The following ANKRD13C variants were observed in gnomAD, a reference collection of about 807,000 sequenced individuals.
ANKRD13C encodes the protein ankyrin repeat domain-containing protein 13C.
ANKRD13C carries 16 observed loss-of-function variants against 65.5 expected under a neutral mutation model. The ratio of observed to expected loss-of-function variants is 0.24; its 90% confidence interval spans 0.17 to 0.37. The LOEUF (loss-of-function observed/expected upper bound fraction) is 0.37. Ranked by LOEUF, ANKRD13C falls within the 10% of genes least tolerant of loss-of-function variation. The probability of loss-of-function intolerance (pLI) is 1.00; values close to 1 mark genes in which losing one functional copy is unlikely to be tolerated. For synonymous variants in ANKRD13C, 235 were observed against 238.7 expected (o/e 0.98, Z 0.14); for missense variants, 503 against 655.9 (o/e 0.77, Z 2.55).
intron 12 of ANKRD13C, among the ~76,000 whole-genome samples, chr1:70,265,735 G>A (rs1403212469): frequency 1.3e-5 from 2 of 149,218 alleles, no homozygotes; most frequent in Non-Finnish European, 1.5e-5. Flanking sequence ...TGAGGTGGAA[G>A]GATGGCTTGA....
At chr1:70,307,945 T>C (rs1017841111) in intron 5 of ANKRD13C, among the ~76,000 whole-genome samples, 2 of 151,818 alleles carry the variant, frequency 1.3e-5, no homozygotes, top group African/African-American at 4.8e-5. Context: ...CAAAACCCTA[T>C]CTCTTTGAAA....
intron 1 of ANKRD13C, among the ~76,000 whole-genome samples, chr1:70,339,458 A>G (rs999381263): frequency 6.6e-6 from 1 of 151,244 alleles, no homozygotes; most frequent in Non-Finnish European, 1.5e-5. Flanking sequence ...AGCTGGGATT[A>G]CAGGTGCCCA....
chr1:70,285,228 T>C (rs534374911), intron 9 of ANKRD13C, among the ~76,000 whole-genome samples: 105 of 146,318 alleles, frequency 7.2e-4, no homozygotes, highest in African/African-American at 2.6e-3. Context: ...AGTCTCACTC[T>C]GTTGCCCAGG....
intron 12 of ANKRD13C, among the ~76,000 whole-genome samples, chr1:70,266,639 C>G (rs1678641299): frequency 6.6e-6 from 1 of 152,178 alleles, no homozygotes; most frequent in Non-Finnish European, 1.5e-5. Context: ...GTTGCAATTT[C>G]ATTTTCATTC....
intron 11 of ANKRD13C, among the ~76,000 whole-genome samples, chr1:70,273,593 C>A (rs1678990614): frequency 3.9e-5 from 6 of 151,912 alleles, no homozygotes; most frequent in African/African-American, 1.4e-4. Flanking sequence ...AGTATATCAA[C>A]ACTACAAAAT....
chr1:70,354,021 A>ATCTC lies in ANKRD13C; in HGVS notation c.387_388insGAGA (p.Ser130GlufsTer14). The ATCTC allele has an allele frequency of 6.4e-7, 1 of 1,559,756 alleles. No individual in the cohort carries two copies. The highest frequency in any genetic ancestry group is 8.7e-7 in the Non-Finnish European group (1 of 1,152,574). On this transcript the variant is annotated frameshift_variant, in exon 1 of 13. Transcript: ENST00000370944. LOFTEE classifies it high-confidence loss of function. The stretch of plus-strand genomic sequence containing the variant: ...CCGATATTGTGCGTGCGGATGAGAG[A>ATCTC]GGAGAGTCTCCTCACATCCCCCTTG...
In ANKRD13C at chr1:70,312,368, GT is replaced by G. The variant is rs372273835; in HGVS notation, c.709+1376del. ...CTAAAACTGTGAAATTTCTATTACT[GT>G]TTTTTTTTTTTTTTGAGACAGAGCC... On this transcript the variant is annotated intron_variant, in intron 5 of 12. Coordinates refer to ENST00000370944, the MANE Select transcript of ANKRD13C (RefSeq NM_030816.5). 7.1e-3 allele frequency among the ~76,000 whole-genome samples: 978 copies of G among 137,182 alleles called. 9 individuals carry two copies. The highest frequency in any genetic ancestry group is 0.02 in the African/African-American group (774 of 37,846). 90.0% of individuals were successfully genotyped at this position (137,182 alleles called of 152,430 possible).
chr1:70,289,439 C>A (rs1332304139), intron 9 of ANKRD13C, among the ~76,000 whole-genome samples: 1 of 151,842 alleles, frequency 6.6e-6, no homozygotes, highest in African/African-American at 2.4e-5. Context: ...TTTCCATATA[C>A]TTATCCCAAA....
At chr1:70,285,475 G>C (rs1051025488) in intron 9 of ANKRD13C, among the ~76,000 whole-genome samples, 1 of 151,820 alleles carries the variant, frequency 6.6e-6, no homozygotes, top group Admixed American at 6.6e-5. Flanking sequence ...GATTACAGGC[G>C]TAAGCCACTG....
intron 6 of ANKRD13C, among the ~76,000 whole-genome samples, chr1:70,301,813 C>T (rs528126430): frequency 2.0e-5 from 3 of 152,316 alleles, no homozygotes; most frequent in East Asian, 1.9e-4. Context: ...AATACACTGA[C>T]GTGCTTCAGT....
At chr1:70,269,735 A>C (rs1678794538) in intron 12 of ANKRD13C, among the ~76,000 whole-genome samples, 3 of 152,200 alleles carry the variant, frequency 2.0e-5, no homozygotes, top group Admixed American at 2.0e-4. Context: ...TTTTCAAAAA[A>C]AAAAAAAAAA....
At chr1:70,293,288 A>G (rs1411278907) in intron 8 of ANKRD13C, among the ~76,000 whole-genome samples, 1 of 152,168 alleles carries the variant, frequency 6.6e-6, no homozygotes, top group Non-Finnish European at 1.5e-5. Context: ...TTACTTAAAA[A>G]AAAAACAAAA....
At chr1:70,264,654 A>G (rs1678532465) in intron 12 of ANKRD13C, among the ~76,000 whole-genome samples, 1 of 152,152 alleles carries the variant, frequency 6.6e-6, no homozygotes, top group Non-Finnish European at 1.5e-5. Flanking sequence ...GATATTTATT[A>G]TCTTTCAGAC....
intron 11 of ANKRD13C, among the ~76,000 whole-genome samples, chr1:70,274,417 T>C (rs551302487): frequency 6.1e-4 from 81 of 133,542 alleles, no homozygotes; most frequent in Middle Eastern, 4.5e-3. Context: ...GAGGTTGTGG[T>C]GAGCCAAGAT....
In ANKRD13C at chr1:70,274,721, A is replaced by G; in HGVS notation, c.1393T>C (p.Leu465=). 4 of 1,606,256 alleles carry G rather than the reference A, an allele frequency of 2.5e-6. No individual in the cohort carries two copies. Among genetic ancestry groups the G allele is most frequent in the Non-Finnish European group, 3.4e-6 (4 of 1,173,188 alleles). ...MSQEFPLGIE[L]LLNVLEVVAP... is the part of the protein sequence containing the mutation. ...ATTTGTAGTTAGTAACAAACTTACAACTCTATCCCTAAGGGAAATTCCTGG... is the reference window on the plus strand; with the variant it reads ...ATTTGTAGTTAGTAACAAACTTACAGCTCTATCCCTAAGGGAAATTCCTGG... The change falls in exon 11 of 13, where the codon TTA becomes CTA. Residue 465 remains leucine (L), a splice_region_variant and synonymous_variant. Transcript: ENST00000370944.
intron 12 of ANKRD13C, among the ~76,000 whole-genome samples, chr1:70,264,783 C>G (rs1248596226): frequency 6.6e-6 from 1 of 152,020 alleles, no homozygotes; most frequent in East Asian, 1.9e-4. Context: ...ATGATGATGA[C>G]TATCTAGAAA....
intron 1 of ANKRD13C, among the ~76,000 whole-genome samples, chr1:70,347,970 G>GCAAA (rs1184945170): frequency 6.6e-6 from 1 of 151,958 alleles, no homozygotes; most frequent in Non-Finnish European, 1.5e-5. Flanking sequence ...AAAACACAAA[G>GCAAA]CAAACAAACA....
Position 70,272,200 on chromosome 1 carries a change from G to C in ANKRD13C, c.1395-1244C>G, listed in dbSNP as rs1045743102. On this transcript the variant is annotated intron_variant, in intron 11 of 12. Coordinates refer to ENST00000370944, the MANE Select transcript of ANKRD13C (RefSeq NM_030816.5). The stretch of plus-strand genomic sequence containing the variant: ...TCTGAACTTTTAGAACAAATTATTT[G>C]TCTGGCATTTGTATGCTGTGTTCTC... Among the ~76,000 whole-genome samples the C allele has an allele frequency of 3.5e-5, 5 of 142,586 alleles. No homozygotes were observed. The East Asian group carries it at 1.0e-3, about 29-fold the overall frequency. The allele number at this position is 142,586 out of a possible 152,430, so 93.5% of individuals were successfully genotyped here.
intron 1 of ANKRD13C, among the ~76,000 whole-genome samples, chr1:70,340,408 G>GT (rs575951298): frequency 2.6e-5 from 4 of 151,362 alleles, no homozygotes; most frequent in Non-Finnish European, 5.9e-5. Context: ...AACAGGCAGT[G>GT]TAATTTCAAT....
Sources: allele counts gnomAD v4.1 joint callset (sites outside exome capture counted in the v4.1 genomes callset), GRCh38; gene constraint gnomAD v4.1.1; transcripts MANE v1.5; gene names NCBI Gene and HGNC (gene_info 2026-07-23, HGNC 2026-07-21).